TDRD7: variants seen among roughly 807,000 people sequenced by gnomAD.
TDRD7 encodes the protein tudor domain-containing protein 7.
In TDRD7, 47 loss-of-function variants were observed where a neutral mutation model predicts 109.8. The ratio of observed to expected loss-of-function variants is 0.43; its 90% CI spans 0.34 to 0.55. The LOEUF is 0.55. Among genes scored for constraint, TDRD7 ranks in the 20% least tolerant of loss-of-function variants. The pLI, the probability that TDRD7 is intolerant of heterozygous loss-of-function variation, is 0.03. For missense variants in TDRD7, 1,164 were observed against 1,319.2 expected (o/e 0.88, Z 1.82); for synonymous variants, 424 against 457.3 (o/e 0.93, Z 0.93).
At chr9:97,484,652 C>A (rs117764729) in intron 15 of TDRD7, among the ~76,000 whole-genome samples, 5 of 152,224 alleles carry the variant, frequency 3.3e-5, no homozygotes, top group African/African-American at 1.2e-4. Context: ...GCTCTCATTT[C>A]GAAAAACATA....
chr9:97,490,552 G>A (rs182047057), intron 16 of TDRD7, among the ~76,000 whole-genome samples: 1 of 142,962 alleles, frequency 7.0e-6, no homozygotes, highest in Non-Finnish European at 1.6e-5. Flanking sequence ...ATTTTGGTGG[G>A]GGGGGGGGCA....
chr9:97,437,783 G>T (rs1370893754), intron 4 of TDRD7, among the ~76,000 whole-genome samples: 1 of 152,116 alleles, frequency 6.6e-6, no homozygotes, highest in Non-Finnish European at 1.5e-5. Flanking sequence ...CATATGTTTA[G>T]ATTTGGAAGG....
chr9:97,470,693 T>C, intron 9 of TDRD7, 24 bp downstream of exon 9: 1 of 1,568,396 alleles, frequency 6.4e-7, no homozygotes, highest in Middle Eastern at 1.7e-4. Context: ...TTTAAAAAAC[T>C]CTCTCCATTT....
intron 1 of TDRD7, among the ~76,000 whole-genome samples, chr9:97,414,777 G>A (rs1183565699): frequency 3.3e-5 from 5 of 151,982 alleles, no homozygotes; most frequent in African/African-American, 1.2e-4. Context: ...TTTAAAAACC[G>A]GTTGGTGAAG....
At chr9:97,438,179 G>C (rs1828236847) in intron 4 of TDRD7, among the ~76,000 whole-genome samples, 1 of 152,044 alleles carries the variant, frequency 6.6e-6, no homozygotes, top group African/African-American at 2.4e-5. Flanking sequence ...TATATTTTTG[G>C]CATCTTCTGC....
rs759572823 is a variant in TDRD7, at chr9:97,430,990, C to T, written c.265C>T (p.Arg89Cys). Residue 89 changes from arginine (R) to cysteine (C), a missense_variant, in exon 3 of 17, where the codon CGT becomes TGT. Physicochemically the swap from Arg to Cys is radical, Grantham distance 180 (BLOSUM62 -3). Transcript: ENST00000355295. ...TGCAAGAATTGCTCAGCTTGTGGCT[C>T]GTCAAAGGAGTTCTAAAAGGAAAAC... The part of the protein sequence containing the change: ...ETARIAQLVA[R>C]QRSSKRKTGR... 6.2e-6 allele frequency: 10 copies of T among 1,613,648 alleles called. No homozygotes were observed. The highest frequency in any genetic ancestry group is 1.3e-5 in the African/African-American group (1 of 74,850).
chr9:97,485,225 G>A, intron 15 of TDRD7, among the ~76,000 whole-genome samples: 1 of 152,114 alleles, frequency 6.6e-6, no homozygotes, highest in East Asian at 1.9e-4. Context: ...GAACAACTTG[G>A]AAAACCTATT....
rs1352841425 is a variant in TDRD7 at position 97,426,850 on chromosome 9, G to A, written c.-6-1610G>A. ...GATATTTTGTTTTCTTTTTAAGATGGACGAATGATGGAATTGATAGAATTG... is the reference window on the plus strand; with the variant it reads ...GATATTTTGTTTTCTTTTTAAGATGAACGAATGATGGAATTGATAGAATTG... On this transcript the variant is annotated intron_variant, in intron 1 of 16. Transcript: ENST00000355295. Among the ~76,000 whole-genome samples the A allele has an allele frequency of 2.6e-5, 4 of 152,166 alleles. No individual in the cohort carries two copies. The East Asian group carries it at 5.8e-4, about 22-fold the overall frequency.
intron 8 of TDRD7, 38 bp downstream of exon 8, chr9:97,465,066 A>G: frequency 6.3e-7 from 1 of 1,589,412 alleles, no homozygotes; most frequent in Non-Finnish European, 8.6e-7. Context: ...TTATGGATAC[A>G]AATACCTTAT....
rs4278253 is a variant in TDRD7, at chr9:97,464,700, G to A, written c.1443-142G>A. 401,687 of 813,454 alleles carry A rather than the reference G, an allele frequency of 0.49. 100,493 individuals carry two copies. Among genetic ancestry groups the A allele is most frequent in the African/African-American group, 0.6 (35,260 of 59,110 alleles). The allele number at this position is 813,454 out of a possible 1,614,324, so 50.4% of individuals were successfully genotyped here. On this transcript the variant is annotated intron_variant, in intron 7 of 16. Coordinates refer to ENST00000355295, the MANE Select transcript of TDRD7 (RefSeq NM_014290.3). ...GAGATAAGTATTTCACTGAATACAC[G>A]TTCTCCTCCCTGTTGATATAAGCAA...
rs1438682744 is a variant in TDRD7, at chr9:97,430,963, A to G, written c.238A>G (p.Thr80Ala). ...ITCYAMACTE[T>A]ARIAQLVARQ... ...CTGCTATGCCATGGCCTGCACAGAA[A>G]CTGCAAGAATTGCTCAGCTTGTGGC... is the stretch of plus-strand genomic sequence containing the variant. Residue 80 changes from threonine (T) to alanine (A), a missense_variant, in exon 3 of 17, where the codon ACT becomes GCT. Transcript: ENST00000355295. 1 of 1,613,856 alleles carries G rather than the reference A, an allele frequency of 6.2e-7. No homozygotes were observed. Among genetic ancestry groups the G allele is most frequent in the South Asian group, 1.1e-5 (1 of 91,076 alleles).
At chr9:97,437,823 C>A (rs1013408074) in intron 4 of TDRD7, among the ~76,000 whole-genome samples, 1 of 152,116 alleles carries the variant, frequency 6.6e-6, no homozygotes, top group African/African-American at 2.4e-5. Flanking sequence ...AACTCTTTGT[C>A]TTTTAAGAGA....
intron 6 of TDRD7, among the ~76,000 whole-genome samples, chr9:97,446,663 T>C (rs912090969): frequency 2.0e-5 from 3 of 152,242 alleles, no homozygotes; most frequent in African/African-American, 7.2e-5. Flanking sequence ...GTTTCTCTAA[T>C]ATCAAAGGAG....
intron 12 of TDRD7, 28 bp downstream of exon 12, chr9:97,475,497 TCTTAA>T (rs771385831): frequency 2.7e-5 from 40 of 1,486,614 alleles, no homozygotes; most frequent in Non-Finnish European, 3.7e-5. Flanking sequence ...GGCTTTTTAA[TCTTAA>T]CTTATTGTGA....
chr9:97,432,295 A>G (rs949209420), intron 4 of TDRD7, 57 bp downstream of exon 4: 8 of 1,444,336 alleles, frequency 5.5e-6, no homozygotes, highest in Admixed American at 1.7e-5. Flanking sequence ...AGTGTTACAA[A>G]TGTATGTTCA....
At position 97,483,202 on chromosome 9, in the gene TDRD7, T is replaced by C; in HGVS notation, c.2766T>C (p.Cys922=). The C allele has an allele frequency of 6.2e-7, 1 of 1,613,364 alleles. No homozygotes were observed. The highest frequency in any genetic ancestry group is 1.1e-5 in the South Asian group (1 of 91,064). The change falls in exon 15 of 17, where the codon TGT becomes TGC. Residue 922 remains cysteine, a synonymous_variant. Transcript: ENST00000355295. The part of the protein sequence containing the change: ...EHMDVYVPVA[C]HPGYFVIQPW... ...TGGATGTGTATGTGCCTGTGGCCTG[T>C]CACCCAGGCTACTTCGTCATCCAGC... is the stretch of plus-strand genomic sequence containing the variant.
At position 97,472,412 on chromosome 9, in the gene TDRD7, G is replaced by A. The variant is rs767820265; in HGVS notation, c.1861G>A (p.Asp621Asn). 10 of 1,613,748 alleles carry A rather than the reference G, an allele frequency of 6.2e-6. No homozygotes were observed. The highest frequency in any genetic ancestry group is 1.7e-5 in the Admixed American group (1 of 59,976). The change falls in exon 10 of 17, where the codon GAT (aspartate) becomes AAT (asparagine). Residue 621 changes from aspartate (D) to asparagine (N), a missense_variant. By Grantham distance (23) the Asp-to-Asn change is conservative. This residue lies in a region of TDRD7 where 261 missense variants were observed against 336.2 expected (regional missense o/e 0.78). Transcript: ENST00000355295. ...TGACATTCCACTTGTTGTTCTGTACGATACCTCAGGAGAAGATGATATCAA... is the reference window on the plus strand; with the variant it reads ...TGACATTCCACTTGTTGTTCTGTACAATACCTCAGGAGAAGATGATATCAA... ...KADIPLVVLY[D>N]TSGEDDININ...
chr9:97,452,136 C>G lies in TDRD7; in HGVS notation c.856-8042C>G, dbSNP rs575621578. 5.9e-5 allele frequency among the ~76,000 whole-genome samples: 9 copies of G among 152,292 alleles called. No individual in the cohort carries two copies. In the East Asian group the frequency reaches 1.7e-3, roughly 29 times the overall value. ...GGCTGAGGCAGGAGGATCACTTGAGCCCAGGAGGTGGAGGCTGCAGTGAGT... is the reference window on the plus strand; with the variant it reads ...GGCTGAGGCAGGAGGATCACTTGAGGCCAGGAGGTGGAGGCTGCAGTGAGT... On this transcript the variant is annotated intron_variant, in intron 6 of 16. Coordinates refer to ENST00000355295, the MANE Select transcript of TDRD7 (RefSeq NM_014290.3).
intron 16 of TDRD7, 48 bp downstream of exon 16, chr9:97,487,380 C>A: frequency 6.2e-7 from 1 of 1,611,314 alleles, no homozygotes; most frequent in South Asian, 1.1e-5. Flanking sequence ...GCAATATTGT[C>A]ATTTTATCCT....
Sources: gnomAD v4.1 joint callset for allele counts (sites outside exome capture counted in the v4.1 genomes callset) on GRCh38, gnomAD v4.1.1 for gene constraint, gnomAD v4.1.1 regional missense constraint, MANE v1.5 for transcripts, NCBI Gene and HGNC (gene_info 2026-07-23, HGNC 2026-07-21) for gene names.